Variants in ZFPM2 observed in about 807,000 individuals in gnomAD.
ZFPM2 encodes zinc finger protein, FOG family member 2.
ZFPM2 carries 20 observed loss-of-function variants against 98.6 expected under a neutral mutation model. The observed-to-expected ratio is 0.20, with a 90% CI of 0.14 to 0.29. The LOEUF (loss-of-function observed/expected upper bound fraction) is 0.29, where lower values mean the gene tolerates loss of function less well. ZFPM2 is among the 10% of genes least tolerant of loss of function. The pLI is 1.00. For synonymous variants in ZFPM2, 518 were observed against 502.7 expected (o/e 1.03, Z -0.41); for missense variants, 1,310 against 1,388.6 (o/e 0.94, Z 0.90).
Position 105,720,623 on chromosome 8 carries a change from C to T in ZFPM2, c.533-68095C>T, listed in dbSNP as rs182755256. On this transcript the variant is annotated intron_variant, in intron 5 of 7. Coordinates refer to ENST00000407775, the MANE Select transcript of ZFPM2 (RefSeq NM_012082.4). ...CCTAATTGGAAAAGAACATCTCTGTCGTGCCAATCAGCCAGATCACTCCTA... is the reference window on the plus strand; with the variant it reads ...CCTAATTGGAAAAGAACATCTCTGTTGTGCCAATCAGCCAGATCACTCCTA... Among the ~76,000 whole-genome samples the T allele has an allele frequency of 5.6e-4, 85 of 151,948 alleles. 2 individuals carry two copies. Among genetic ancestry groups the T allele is most frequent in the East Asian group, 3.1e-3 (16 of 5,116 alleles).
intron 3 of ZFPM2, among the ~76,000 whole-genome samples, chr8:105,454,293 G>A (rs957397818): frequency 1.3e-5 from 2 of 151,390 alleles, no homozygotes; most frequent in African/African-American, 4.9e-5. Flanking sequence ...CATGTTCTTC[G>A]ATACCCCACA....
rs954720923 is a variant in ZFPM2, at chr8:105,569,618, G to A, written c.420+8137G>A. Among the ~76,000 whole-genome samples the A allele has an allele frequency of 3.9e-5, 6 of 152,116 alleles. No homozygotes were observed. The East Asian group carries it at 7.7e-4, about 20-fold the overall frequency. On this transcript the variant is annotated intron_variant, in intron 4 of 7. Transcript: ENST00000407775. ...TTCTTGAGAAAAGTTGACTAATTTC[G>A]GTGTAAGATTTGCAACCCTTGGATG...
rs1231783887 is a variant in ZFPM2 at position 105,735,095 on chromosome 8, ATATAT to A, written c.533-53617_533-53613del. 1.4e-4 allele frequency among the ~76,000 whole-genome samples: 20 copies of A among 147,798 alleles called. No individual in the cohort carries two copies. In the East Asian group the frequency reaches 3.9e-3, roughly 29 times the overall value. ...CTTTGCACCAACCTAATATATACACATATATTATATATATAAATTATATATATATA... is the reference window on the plus strand; with the variant it reads ...CTTTGCACCAACCTAATATATACACATATATATATAAATTATATATATATA... On this transcript the variant is annotated intron_variant, in intron 5 of 7. Transcript: ENST00000407775.
intron 1 of ZFPM2, among the ~76,000 whole-genome samples, chr8:105,354,991 C>CA (rs1203923743): frequency 1.3e-5 from 2 of 151,968 alleles, no homozygotes; most frequent in African/African-American, 4.8e-5. Flanking sequence ...ACAGCGGCAA[C>CA]AAAAAATCAA....
intron 3 of ZFPM2, among the ~76,000 whole-genome samples, chr8:105,489,466 AT>A (rs369037656): frequency 0.096 from 11,458 of 119,358 alleles, 614 homozygotes; most frequent in African/African-American, 0.23. Context: ...ATATATATAT[AT>A]TTTTTTTTTT....
chr8:105,489,293 G>T (rs1179151170), intron 3 of ZFPM2, among the ~76,000 whole-genome samples: 18 of 150,592 alleles, frequency 1.2e-4, no homozygotes, highest in Non-Finnish European at 2.5e-4. Context: ...GTAATAAGAT[G>T]ATATCACTTT....
At chr8:105,706,755 T>G (rs575439336) in intron 5 of ZFPM2, among the ~76,000 whole-genome samples, 1 of 152,052 alleles carries the variant, frequency 6.6e-6, no homozygotes, top group Non-Finnish European at 1.5e-5. Flanking sequence ...AATTTTTGTA[T>G]TTTTAGTAGA....
intron 2 of ZFPM2, among the ~76,000 whole-genome samples, chr8:105,433,204 A>G (rs929141166): frequency 1.2e-4 from 18 of 152,208 alleles, no homozygotes; most frequent in African/African-American, 4.3e-4. Flanking sequence ...TTATCAAGAG[A>G]TAATACCGAT....
chr8:105,593,474 T>C (rs1387563253), intron 4 of ZFPM2, among the ~76,000 whole-genome samples: 3 of 151,970 alleles, frequency 2.0e-5, no homozygotes, highest in Admixed American at 2.0e-4. Context: ...ATGAAAAATA[T>C]GGGATTTAAT....
chr8:105,448,861 T>C (rs1812431801), intron 3 of ZFPM2, among the ~76,000 whole-genome samples: 1 of 152,054 alleles, frequency 6.6e-6, no homozygotes, highest in South Asian at 2.1e-4. Flanking sequence ...GACTGAACTT[T>C]GTTAAACACT....
At chr8:105,645,316 TCTGA>T (rs1323028520) in intron 5 of ZFPM2, among the ~76,000 whole-genome samples, 3 of 152,246 alleles carry the variant, frequency 2.0e-5, no homozygotes, top group Admixed American at 6.5e-5. Context: ...TCTGTTGTTC[TCTGA>T]CTATTGTTCT....
intron 4 of ZFPM2, among the ~76,000 whole-genome samples, chr8:105,582,539 G>T (rs577875948): frequency 6.6e-6 from 1 of 152,276 alleles, no homozygotes; most frequent in Middle Eastern, 3.4e-3. Flanking sequence ...TGGAGAAACC[G>T]TGATATATAT....
intron 3 of ZFPM2, among the ~76,000 whole-genome samples, chr8:105,518,159 A>C (rs1813977156): frequency 6.6e-6 from 1 of 152,216 alleles, no homozygotes; most frequent in Admixed American, 6.5e-5. Context: ...AATAAATGCC[A>C]TCTTTGAAGA....
At chr8:105,779,275 C>A (rs1452255904) in intron 5 of ZFPM2, among the ~76,000 whole-genome samples, 1 of 152,186 alleles carries the variant, frequency 6.6e-6, no homozygotes, top group Admixed American at 6.5e-5. Context: ...TTAATTGGTT[C>A]AATTTGCTAT....
In ZFPM2 at chr8:105,318,918, CCAGCGGCA is replaced by C; in HGVS notation, c.-23_-16del. ...CGCGACCGCGGGCACCGCGGGAGCC[CCAGCGGCA>C]GCAGCCGCCGCCGAGATGTCCCGGC... On this transcript the variant is annotated 5_prime_UTR_variant, in exon 1 of 8. Transcript: ENST00000407775. The C allele has an allele frequency of 7.2e-7, 1 of 1,396,102 alleles. No homozygotes were observed. Among genetic ancestry groups the C allele is most frequent in the Middle Eastern group, 2.6e-4 (1 of 3,840 alleles). The allele number at this position is 1,396,102 out of a possible 1,614,324, so 86.5% of individuals were successfully genotyped here.
At chr8:105,409,921 G>T (rs1439145006) in intron 1 of ZFPM2, among the ~76,000 whole-genome samples, 1 of 151,740 alleles carries the variant, frequency 6.6e-6, no homozygotes, top group Non-Finnish European at 1.5e-5. Flanking sequence ...GAACCCTGTG[G>T]GCTGATAAAC....
At chr8:105,653,275 A>C (rs1470261038) in intron 5 of ZFPM2, among the ~76,000 whole-genome samples, 1 of 151,998 alleles carries the variant, frequency 6.6e-6, no homozygotes, top group Non-Finnish European at 1.5e-5. Flanking sequence ...AACTGATACA[A>C]AAAAAAAGAC....
chr8:105,542,157 A>G lies in ZFPM2; in HGVS notation c.302-19206A>G, dbSNP rs16873356. ...ATTTTGCTAGCTTTGTAATTAATTT[A>G]TTGATTGATAGTGAGTAAAAATATC... On this transcript the variant is annotated intron_variant, in intron 3 of 7. Coordinates refer to ENST00000407775, the MANE Select transcript of ZFPM2 (RefSeq NM_012082.4). Among the ~76,000 whole-genome samples the G allele has an allele frequency of 7.5e-3, 1,138 of 152,030 alleles. 16 individuals carry two copies. The highest frequency in any genetic ancestry group is 0.06 in the South Asian group (285 of 4,782).
intron 4 of ZFPM2, chr8:105,616,664 C>CAAT (rs4038140): frequency 0.16 from 58,272 of 371,574 alleles, 4,211 homozygotes; most frequent in Non-Finnish European, 0.17. Flanking sequence ...TATGGTATAA[C>CAAT]AATAATAATA....
Sources: gnomAD v4.1 joint callset for allele counts (sites outside exome capture counted in the v4.1 genomes callset) on GRCh38, gnomAD v4.1.1 for gene constraint, MANE v1.5 for transcripts, NCBI Gene and HGNC (gene_info 2026-07-23, HGNC 2026-07-21) for gene names.